The following ZNRF1 variants were observed in gnomAD, a reference collection of about 807,000 sequenced individuals.
The protein encoded by ZNRF1 is zinc and ring finger 1, also known as E3 ubiquitin-protein ligase ZNRF1.
A neutral mutation model predicts 18.4 loss-of-function variants in ZNRF1; 3 were observed. The ratio of observed to expected loss-of-function variants is 0.16; its 90% CI spans 0.07 to 0.42. The LOEUF (loss-of-function observed/expected upper bound fraction) is 0.42. Among genes scored for constraint, ZNRF1 ranks in the 10% least tolerant of loss-of-function variants. The pLI, the probability that ZNRF1 is intolerant of heterozygous loss-of-function variation, is 0.99. For synonymous variants in ZNRF1, 157 were observed against 144.2 expected (o/e 1.09, Z -0.64); for missense variants, 310 against 329.8 (o/e 0.94, Z 0.47).
chr16:75,045,287 C>G (rs2035500908), intron 1 of ZNRF1, among the ~76,000 whole-genome samples: 2 of 152,160 alleles, frequency 1.3e-5, no homozygotes, highest in African/African-American at 4.8e-5. Flanking sequence ...AATACATGAA[C>G]TCTGCCTGCC....
At chr16:75,097,016 G>C (rs1241988261) in intron 2 of ZNRF1, among the ~76,000 whole-genome samples, 2 of 152,150 alleles carry the variant, frequency 1.3e-5, no homozygotes, top group Non-Finnish European at 2.9e-5. Flanking sequence ...TAAACCCCCT[G>C]TCCTCCTAAG....
At chr16:75,031,990 C>G (rs2035311242) in intron 1 of ZNRF1, among the ~76,000 whole-genome samples, 1 of 151,768 alleles carries the variant, frequency 6.6e-6, no homozygotes, top group South Asian at 2.1e-4. Context: ...TTCTCCACAT[C>G]TTTTCCAACA....
intron 1 of ZNRF1, among the ~76,000 whole-genome samples, chr16:75,078,460 G>A (rs551712554): frequency 1.3e-4 from 20 of 151,978 alleles, no homozygotes; most frequent in Non-Finnish European, 2.5e-4. Flanking sequence ...CACCATGCCC[G>A]GCTAACTTTT....
chr16:75,103,789 A>AG (rs1319824739), intron 2 of ZNRF1, among the ~76,000 whole-genome samples: 1 of 152,202 alleles, frequency 6.6e-6, no homozygotes, highest in Non-Finnish European at 1.5e-5. Flanking sequence ...GTTCGAGACC[A>AG]GCCCGGCCAA....
At chr16:75,050,591 G>A (rs889795186) in intron 1 of ZNRF1, among the ~76,000 whole-genome samples, 6 of 151,376 alleles carry the variant, frequency 4.0e-5, no homozygotes, top group African/African-American at 1.2e-4. Context: ...TGTAGCCGCC[G>A]GGCACGGTGG....
chr16:75,020,479 C>T (rs2035129411), intron 1 of ZNRF1, among the ~76,000 whole-genome samples: 1 of 152,014 alleles, frequency 6.6e-6, no homozygotes, highest in Admixed American at 6.6e-5. Flanking sequence ...TATTTCATAT[C>T]TTACTTTGTG....
chr16:75,044,898 C>T (rs2035495198), intron 1 of ZNRF1, among the ~76,000 whole-genome samples: 1 of 152,192 alleles, frequency 6.6e-6, no homozygotes, highest in Admixed American at 6.5e-5. Flanking sequence ...TAGTATGGTG[C>T]TCTGTCACCC....
chr16:75,049,663 T>G (rs1456650521), intron 1 of ZNRF1, among the ~76,000 whole-genome samples: 3 of 152,186 alleles, frequency 2.0e-5, no homozygotes, highest in Non-Finnish European at 4.4e-5. Context: ...TTTCGCTGCT[T>G]CTACTTACTT....
chr16:75,082,477 C>T (rs1022527650), intron 1 of ZNRF1, among the ~76,000 whole-genome samples: 1 of 152,234 alleles, frequency 6.6e-6, no homozygotes, highest in African/African-American at 2.4e-5. Context: ...CACCTCCATG[C>T]ACACAGTGTG....
intron 1 of ZNRF1, among the ~76,000 whole-genome samples, chr16:75,089,894 A>G (rs1187452544): frequency 3.9e-5 from 6 of 152,192 alleles, no homozygotes; most frequent in Non-Finnish European, 4.4e-5. Flanking sequence ...AAATGATGCT[A>G]TTATAGGGAT....
chr16:75,058,041 G>T (rs531920368), intron 1 of ZNRF1, among the ~76,000 whole-genome samples: 3 of 151,576 alleles, frequency 2.0e-5, no homozygotes, highest in African/African-American at 7.3e-5. Context: ...AGAGAGAACC[G>T]CATTCCATCC....
intron 1 of ZNRF1, among the ~76,000 whole-genome samples, chr16:75,012,325 G>T (rs546068216): frequency 2.0e-5 from 3 of 152,202 alleles, no homozygotes; most frequent in Admixed American, 6.5e-5. Flanking sequence ...GGGTTAGAGA[G>T]CCAGAAGCCA....
intron 1 of ZNRF1, among the ~76,000 whole-genome samples, chr16:75,033,090 A>C (rs1041432235): frequency 1.3e-5 from 2 of 152,088 alleles, no homozygotes; most frequent in Non-Finnish European, 2.9e-5. Flanking sequence ...TTTTCTTTAT[A>C]CGTCTGTCCT....
intron 1 of ZNRF1, among the ~76,000 whole-genome samples, chr16:75,052,125 G>A (rs1035715518): frequency 2.0e-5 from 3 of 152,194 alleles, no homozygotes; most frequent in Non-Finnish European, 2.9e-5. Context: ...GTGCCCGGGC[G>A]TGGTGGCTCA....
chr16:75,035,693 G>A lies in ZNRF1; in HGVS notation c.424+35598G>A, dbSNP rs539732706. 3.9e-5 allele frequency among the ~76,000 whole-genome samples: 6 copies of A among 152,274 alleles called. No individual in the cohort carries two copies. In the South Asian group the frequency reaches 8.3e-4, roughly 21 times the overall value. Reference sequence around the variant, plus strand: ...GGGGTTTTATATGTTGGCATGCTTCGGGGTCTTGTGTTACTTCTCCCTCGA... The same window carrying A: ...GGGGTTTTATATGTTGGCATGCTTCAGGGTCTTGTGTTACTTCTCCCTCGA... On this transcript the variant is annotated intron_variant, in intron 1 of 4. Transcript: ENST00000335325.
chr16:75,046,023 C>T (rs1428317061), intron 1 of ZNRF1, among the ~76,000 whole-genome samples: 1 of 151,988 alleles, frequency 6.6e-6, no homozygotes, highest in East Asian at 1.9e-4. Context: ...CTGCCTCAGC[C>T]TCCCAAGTAG....
Position 75,019,381 on chromosome 16 carries a change from C to T in ZNRF1, c.424+19286C>T, listed in dbSNP as rs190471026. 3.9e-5 allele frequency among the ~76,000 whole-genome samples: 6 copies of T among 152,118 alleles called. No individual in the cohort carries two copies. The East Asian group carries it at 1.2e-3, about 29-fold the overall frequency. ...TTTATTTTCTTGAGACAGGGTCTTC[C>T]CATGCTGGAGTGCAAAGACATAACT... On this transcript the variant is annotated intron_variant, in intron 1 of 4. Coordinates refer to ENST00000335325, the MANE Select transcript of ZNRF1 (RefSeq NM_032268.5).
At chr16:75,029,343 T>C (rs1404652594) in intron 1 of ZNRF1, among the ~76,000 whole-genome samples, 2 of 151,728 alleles carry the variant, frequency 1.3e-5, no homozygotes, top group African/African-American at 4.8e-5. Context: ...AGAGACGGGG[T>C]TCTACCATCT....
At chr16:75,040,815 C>T (rs1479272005) in intron 1 of ZNRF1, among the ~76,000 whole-genome samples, 1 of 151,508 alleles carries the variant, frequency 6.6e-6, no homozygotes, top group African/African-American at 2.4e-5. Flanking sequence ...ATCACGTTGG[C>T]CAGGCTGGTC....
Sources: gnomAD v4.1 joint callset for allele counts (sites outside exome capture counted in the v4.1 genomes callset) on GRCh38, gnomAD v4.1.1 for gene constraint, MANE v1.5 for transcripts, NCBI Gene and HGNC (gene_info 2026-07-23, HGNC 2026-07-21) for gene names.